The following CAST variants were observed in gnomAD, a reference collection of about 807,000 sequenced individuals.
The protein encoded by CAST is MIR583 host.
A neutral mutation model predicts 119.6 loss-of-function variants in CAST; 76 were observed. That is an observed-to-expected ratio of 0.64 (90% CI 0.53 to 0.77). The LOEUF (loss-of-function observed/expected upper bound fraction) is 0.77. Among genes scored for constraint, CAST ranks in the 30% least tolerant of loss-of-function variants. CAST has a pLI of 0.00. For missense variants in CAST, 953 were observed against 946.5 expected, an observed-to-expected ratio of 1.01 and a Z score of -0.09; for synonymous variants, 319 against 331.6, an observed-to-expected ratio of 0.96 and a Z score of 0.41.
chr5:96,741,707 A>G, intron 15 of CAST, 127 bp downstream of exon 15: 1 of 644,244 alleles, frequency 1.6e-6, no homozygotes, highest in Non-Finnish European at 2.8e-6. Context: ...TCTATGTGGA[A>G]TAGTGAAGCC....
At chr5:95,969,389 G>C in the CAST span, among the ~76,000 whole-genome samples, 1 of 152,182 alleles carries the variant, frequency 6.6e-6, no homozygotes, top group African/African-American at 2.4e-5. Context: ...AAGCCTGAAG[G>C]CACTTTGATT....
At chr5:96,022,391 A>G in the CAST span, among the ~76,000 whole-genome samples, 20 of 152,244 alleles carry the variant, frequency 1.3e-4, no homozygotes, top group Non-Finnish European at 2.4e-4. Context: ...GAGTGCAAAT[A>G]CCGTACAACA....
the CAST span, chr5:96,433,299 A>C: frequency 3.9e-6 from 2 of 518,364 alleles, no homozygotes; most frequent in Non-Finnish European, 7.0e-6. Flanking sequence ...TACACGTCAA[A>C]TCGACGAAAG....
At position 96,561,796 on chromosome 5, in the gene CAST, G is replaced by GTTTTTT. The variant is rs11375615; in HGVS notation, c.60+31925_60+31930dup. 1.3e-4 allele frequency among the ~76,000 whole-genome samples: 13 copies of GTTTTTT among 97,398 alleles called. 2 individuals are homozygous for GTTTTTT. Among genetic ancestry groups the GTTTTTT allele is most frequent in the Admixed American group, 2.7e-4 (2 of 7,308 alleles). 63.9% of individuals were successfully genotyped at this position (97,398 alleles called of 152,430 possible). A position where few individuals can be genotyped will look rare whatever the true frequency, so the allele number is the denominator to read the frequency against. On this transcript the variant is annotated intron_variant, in intron 1 of 11. Coordinates refer to the CAST transcript ENST00000505143. ...GTGTATTATATATATGTTTTTTTTT[G>GTTTTTT]TTTTTTTTTTTTTTGAGACGGAGTC...
Position 96,534,942 on chromosome 5 carries a change from AGAAAGG to A in CAST, c.60+5068_60+5073del, listed in dbSNP as rs1309919084. ...AAAAGGAATAAAGAAAGAAAGAAAG[AGAAAGG>A]GAAAGAAAGAAAGAAAAAGAAAACT... On this transcript the variant is annotated intron_variant, in intron 1 of 11. Transcript: ENST00000505143. 1.3e-4 allele frequency among the ~76,000 whole-genome samples: 3 copies of A among 23,366 alleles called. 1 individual carries two copies. The highest frequency in any genetic ancestry group is 8.6e-3 in the East Asian group (1 of 116). 15.3% of individuals were successfully genotyped at this position (23,366 alleles called of 152,430 possible). A position where few individuals can be genotyped will look rare whatever the true frequency, so the allele number is the denominator to read the frequency against.
chr5:95,996,700 G>T, the CAST span, among the ~76,000 whole-genome samples: 2 of 152,120 alleles, frequency 1.3e-5, no homozygotes, highest in Admixed American at 1.3e-4. Flanking sequence ...CTGTAAACCT[G>T]TTAAGATGTA....
At chr5:96,264,244 T>A in the CAST span, among the ~76,000 whole-genome samples, 1 of 152,204 alleles carries the variant, frequency 6.6e-6, no homozygotes, top group Admixed American at 6.5e-5. Context: ...CACCTGCAAC[T>A]TTTCTCATAA....
At chr5:96,534,341 TC>T (rs1745742734) in intron 1 of CAST, among the ~76,000 whole-genome samples, 2 of 152,206 alleles carry the variant, frequency 1.3e-5, no homozygotes, top group African/African-American at 4.8e-5. Flanking sequence ...GATGTCAGAT[TC>T]CATATCACAG....
At chr5:95,976,910 C>T in the CAST span, among the ~76,000 whole-genome samples, 1 of 152,124 alleles carries the variant, frequency 6.6e-6, no homozygotes. Flanking sequence ...CATATTTCCT[C>T]AATTCTGACC....
At chr5:96,399,619 G>A in the CAST span, among the ~76,000 whole-genome samples, 1 of 152,118 alleles carries the variant, frequency 6.6e-6, no homozygotes, top group African/African-American at 2.4e-5. Context: ...ACCCTAAGAT[G>A]CATTTTAAAA....
intron 1 of CAST, among the ~76,000 whole-genome samples, chr5:96,563,379 T>C (rs1746415667): frequency 1.3e-5 from 2 of 152,170 alleles, no homozygotes; most frequent in Admixed American, 6.5e-5. Flanking sequence ...ATATTTTTCT[T>C]CCCCTACATA....
chr5:96,187,114 T>C, the CAST span, among the ~76,000 whole-genome samples: 1 of 152,216 alleles, frequency 6.6e-6, no homozygotes. Context: ...TCATTTCTTC[T>C]AGATTTTCTA....
Position 96,606,982 on chromosome 5 carries a change from T to C in CAST, c.61-68557T>C, listed in dbSNP as rs1747268691. ...AAAGCCCCCAGATGAATCTGATGTG[T>C]GCTAAAGTTTAAGAACCACTATATT... On this transcript the variant is annotated intron_variant, in intron 1 of 11. Coordinates refer to the CAST transcript ENST00000505143. 2.6e-5 allele frequency among the ~76,000 whole-genome samples: 4 copies of C among 152,342 alleles called. No homozygotes were observed. In the South Asian group the frequency reaches 8.3e-4, roughly 32 times the overall value.
chr5:96,606,594 C>T (rs547033441), intron 1 of CAST, among the ~76,000 whole-genome samples: 16 of 152,304 alleles, frequency 1.1e-4, no homozygotes, highest in Admixed American at 7.2e-4. Context: ...TCCTGGTTCT[C>T]GTATTCTTCT....
the CAST span, among the ~76,000 whole-genome samples, chr5:96,010,575 G>A: frequency 2.0e-5 from 3 of 152,198 alleles, no homozygotes; most frequent in Admixed American, 2.0e-4. Flanking sequence ...GCCTCCCAAA[G>A]TGTTGGGATT....
At chr5:96,125,539 A>G in the CAST span, among the ~76,000 whole-genome samples, 1 of 152,186 alleles carries the variant, frequency 6.6e-6, no homozygotes, top group Non-Finnish European at 1.5e-5. Flanking sequence ...TCCTGGCTCT[A>G]GTATTTGCAA....
chr5:96,105,181 A>T, the CAST span, among the ~76,000 whole-genome samples: 1 of 150,746 alleles, frequency 6.6e-6, no homozygotes, highest in Non-Finnish European at 1.5e-5. Flanking sequence ...TCGTCTGCAA[A>T]CAGGGACAAT....
chr5:96,688,361 C>T (rs1361510356), intron 2 of CAST, among the ~76,000 whole-genome samples: 1 of 152,130 alleles, frequency 6.6e-6, no homozygotes, highest in Non-Finnish European at 1.5e-5. Flanking sequence ...GCCTTTTTGA[C>T]CCAGAAATCC....
chr5:96,384,846 C>T, the CAST span, among the ~76,000 whole-genome samples: 7 of 152,062 alleles, frequency 4.6e-5, no homozygotes, highest in Non-Finnish European at 7.4e-5. Flanking sequence ...TCTTAGTACA[C>T]GCTAGTATAT....
Sources: gnomAD v4.1 joint callset for allele counts (sites outside exome capture counted in the v4.1 genomes callset) on GRCh38, gnomAD v4.1.1 for gene constraint, MANE v1.5 for transcripts, NCBI Gene and HGNC (gene_info 2026-07-23, HGNC 2026-07-21) for gene names.